Variants in TENM3 observed in about 807,000 individuals in gnomAD.
TENM3 encodes teneurin-3.
Under a neutral mutation model 255.1 loss-of-function variants are expected in TENM3, and 63 were observed. The ratio of observed to expected loss-of-function variants is 0.25; its 90% CI spans 0.20 to 0.30. The LOEUF is 0.30. Among genes scored for constraint, TENM3 ranks in the 10% least tolerant of loss-of-function variants. The probability of loss-of-function intolerance (pLI) is 1.00; values close to 1 mark genes in which losing one functional copy is unlikely to be tolerated. For synonymous variants in TENM3, 1,306 were observed against 1,322.3 expected (o/e 0.99, Z 0.27); for missense variants, 2,929 against 3,461.1 (o/e 0.85, Z 3.86).
intron 3 of TENM3, among the ~76,000 whole-genome samples, chr4:182,583,027 A>G (rs550425309): frequency 6.6e-6 from 1 of 152,308 alleles, no homozygotes; most frequent in African/African-American, 2.4e-5. Context: ...CTGGATAAGA[A>G]TGTCGATCTT....
At chr4:182,086,634 A>T in the TENM3 span, among the ~76,000 whole-genome samples, 4 of 152,248 alleles carry the variant, frequency 2.6e-5, no homozygotes, top group African/African-American at 9.6e-5. Flanking sequence ...GGCATCAACT[A>T]TCTTTGAGTT....
chr4:182,382,295 A>G (rs776974046), intron 3 of TENM3, among the ~76,000 whole-genome samples: 12 of 152,070 alleles, frequency 7.9e-5, no homozygotes, highest in Admixed American at 1.3e-4. Flanking sequence ...CTTGATTTTA[A>G]TCACATTAAA....
chr4:182,703,073 C>G (rs1379942855), intron 12 of TENM3, among the ~76,000 whole-genome samples: 1 of 152,136 alleles, frequency 6.6e-6, no homozygotes, highest in Non-Finnish European at 1.5e-5. Context: ...GACTGTCCTG[C>G]CTCCTGAATT....
chr4:182,258,470 G>A (rs758328783), intron 1 of TENM3, among the ~76,000 whole-genome samples: 2 of 151,926 alleles, frequency 1.3e-5, no homozygotes, highest in Non-Finnish European at 2.9e-5. Flanking sequence ...TTTCATTTAG[G>A]CATTCAATGA....
At chr4:181,552,940 G>A in the TENM3 span, among the ~76,000 whole-genome samples, 1 of 152,082 alleles carries the variant, frequency 6.6e-6, no homozygotes, top group Non-Finnish European at 1.5e-5. Flanking sequence ...AGACACGCAC[G>A]CACCACACAC....
the TENM3 span, among the ~76,000 whole-genome samples, chr4:181,685,171 C>G: frequency 6.6e-6 from 1 of 152,052 alleles, no homozygotes; most frequent in Non-Finnish European, 1.5e-5. Flanking sequence ...TTCTACTCTT[C>G]AATGTTTGGT....
intron 22 of TENM3, among the ~76,000 whole-genome samples, chr4:182,764,551 T>C (rs28712729): frequency 0.12 from 17,808 of 152,128 alleles, 1,540 homozygotes; most frequent in East Asian, 0.25. Flanking sequence ...TTAAGATCAG[T>C]GTTGCAAGTT....
the TENM3 span, among the ~76,000 whole-genome samples, chr4:182,065,459 C>A: frequency 3.9e-5 from 6 of 152,182 alleles, no homozygotes; most frequent in African/African-American, 1.4e-4. Flanking sequence ...GGGGAGCACG[C>A]GCGTCACGTG....
the TENM3 span, among the ~76,000 whole-genome samples, chr4:181,537,686 C>G: frequency 6.6e-5 from 10 of 152,102 alleles, no homozygotes; most frequent in Admixed American, 5.9e-4. Context: ...GTTTAAGAAA[C>G]AAAGAACCAG....
chr4:181,675,517 G>C, the TENM3 span, among the ~76,000 whole-genome samples: 1 of 152,048 alleles, frequency 6.6e-6, no homozygotes, highest in African/African-American at 2.4e-5. Context: ...AATATGTATG[G>C]AATTGTACAT....
intron 3 of TENM3, among the ~76,000 whole-genome samples, chr4:182,447,708 G>A (rs1773043265): frequency 6.6e-6 from 1 of 152,176 alleles, no homozygotes; most frequent in South Asian, 2.1e-4. Flanking sequence ...ATATGTTGTT[G>A]ATACTGGTAT....
intron 5 of TENM3, 131 bp downstream of exon 5, chr4:182,629,020 T>C: frequency 1.5e-6 from 1 of 648,144 alleles, no homozygotes; most frequent in Non-Finnish European, 2.6e-6. Context: ...TTGGTAATAA[T>C]GTATCATAAA....
intron 18 of TENM3, among the ~76,000 whole-genome samples, chr4:182,742,075 A>C (rs2152733020): frequency 6.6e-6 from 1 of 152,364 alleles, no homozygotes; most frequent in South Asian, 2.1e-4. Flanking sequence ...CTAAAGTCAA[A>C]GCAGCAGGTG....
chr4:181,813,500 T>A, the TENM3 span, among the ~76,000 whole-genome samples: 1 of 152,140 alleles, frequency 6.6e-6, no homozygotes. Flanking sequence ...TCTAAATTAG[T>A]GGACTTAAAT....
intron 3 of TENM3, among the ~76,000 whole-genome samples, chr4:182,592,561 TA>T (rs1746776330): frequency 1.3e-5 from 2 of 152,156 alleles, no homozygotes; most frequent in Admixed American, 1.3e-4. Context: ...CCGTTTCTAC[TA>T]AAAATATAAA....
the TENM3 span, among the ~76,000 whole-genome samples, chr4:181,564,005 G>T: frequency 2.3e-5 from 3 of 132,622 alleles, no homozygotes; most frequent in Non-Finnish European, 4.8e-5. Flanking sequence ...AAATGAAAAT[G>T]ATGTTTTCTT....
At chr4:181,626,767 A>T in the TENM3 span, among the ~76,000 whole-genome samples, 2 of 152,180 alleles carry the variant, frequency 1.3e-5, no homozygotes, top group African/African-American at 4.8e-5. Flanking sequence ...AAATATGTCA[A>T]CCATATCAGG....
chr4:181,805,477 C>G, the TENM3 span, among the ~76,000 whole-genome samples: 34 of 152,280 alleles, frequency 2.2e-4, no homozygotes, highest in African/African-American at 7.9e-4. Context: ...AAGGTCATGT[C>G]CTCAGGGAAG....
chr4:182,287,243 A>G (rs975085067), intron 1 of TENM3, among the ~76,000 whole-genome samples: 1 of 152,120 alleles, frequency 6.6e-6, no homozygotes, highest in South Asian at 2.1e-4. Flanking sequence ...AATAAACTAA[A>G]ATAAAGTAAA....
Sources: gnomAD v4.1 joint callset for allele counts (sites outside exome capture counted in the v4.1 genomes callset) on GRCh38, gnomAD v4.1.1 for gene constraint, MANE v1.5 for transcripts, NCBI Gene and HGNC (gene_info 2026-07-23, HGNC 2026-07-21) for gene names.